The following CREB3L2 variants were observed in gnomAD, a reference collection of about 807,000 sequenced individuals.
CREB3L2 encodes the protein cyclic AMP-responsive element-binding protein 3-like protein 2.
A neutral mutation model predicts 57.2 loss-of-function variants in CREB3L2; 23 were observed. The ratio of observed to expected loss-of-function variants is 0.40; its 90% CI spans 0.29 to 0.57. The LOEUF is 0.57. Among genes scored for constraint, CREB3L2 ranks in the 20% least tolerant of loss-of-function variants. The pLI, the probability that CREB3L2 is intolerant of heterozygous loss-of-function variation, is 0.42. For synonymous variants in CREB3L2, 268 were observed against 265.1 expected (o/e 1.01, Z -0.11); for missense variants, 628 against 634.7 (o/e 0.99, Z 0.11).
intron 1 of CREB3L2, among the ~76,000 whole-genome samples, chr7:137,988,739 T>C (rs908622774): frequency 1.3e-5 from 2 of 152,084 alleles, no homozygotes. Flanking sequence ...ACAAACTCCA[T>C]CCAGCCGATG....
chr7:137,986,673 C>T (rs761092671), intron 1 of CREB3L2, among the ~76,000 whole-genome samples: 4 of 152,196 alleles, frequency 2.6e-5, no homozygotes, highest in Non-Finnish European at 4.4e-5. Flanking sequence ...GAATCCCACA[C>T]CGAAACTGGG....
At position 137,948,391 on chromosome 7, in the gene CREB3L2, G is replaced by A. The variant is rs182995653; in HGVS notation, c.103-20025C>T. On this transcript the variant is annotated intron_variant, in intron 1 of 11. Coordinates refer to ENST00000330387, the MANE Select transcript of CREB3L2 (RefSeq NM_194071.4). The stretch of plus-strand genomic sequence containing the variant: ...AGCTTCATCTTGCTAGTAGCCAGGG[G>A]GACATTATGGTAGGAACCAAAACTT... 2.6e-5 allele frequency among the ~76,000 whole-genome samples: 4 copies of A among 152,256 alleles called. No homozygotes were observed. The East Asian group carries it at 7.7e-4, about 29-fold the overall frequency.
In CREB3L2 at chr7:137,908,420, C is replaced by A; in HGVS notation, c.600G>T (p.Leu200=). Residue 200 remains leucine, a synonymous_variant, in exon 5 of 12, where the codon CTG becomes CTT. Coordinates refer to ENST00000330387, the MANE Select transcript of CREB3L2 (RefSeq NM_194071.4). ...FSPKEAPVDH[L]HLPPTPPSSH... ...TGCTCGGAGGGGTGGGCGGCAAATG[C>A]AGGTGGTCCACTGGGGCTGCAAAAA... 1 of 1,266,742 alleles carries A rather than the reference C, an allele frequency of 7.9e-7. No individual in the cohort carries two copies. Among genetic ancestry groups the A allele is most frequent in the Non-Finnish European group, 1.0e-6 (1 of 998,258 alleles). The allele number at this position is 1,266,742 out of a possible 1,614,324, so 78.5% of individuals were successfully genotyped here.
intron 1 of CREB3L2, among the ~76,000 whole-genome samples, chr7:137,983,414 T>C (rs564971907): frequency 5.3e-4 from 80 of 152,348 alleles, no homozygotes; most frequent in African/African-American, 1.9e-3. Flanking sequence ...ACAGAGCTAG[T>C]GGTCTTTTAG....
Position 137,946,804 on chromosome 7 carries a change from T to TTATATATAGTTATCTATATAGTTATC in CREB3L2, c.103-18464_103-18439dup, listed in dbSNP as rs1800991896. 1.0e-4 allele frequency among the ~76,000 whole-genome samples: 5 copies of TTATATATAGTTATCTATATAGTTATC among 50,090 alleles called. 1 individual carries two copies. The highest frequency in any genetic ancestry group is 7.3e-4 in the Admixed American group (3 of 4,112). The allele number at this position is 50,090 out of a possible 152,430, so 32.9% of individuals were successfully genotyped here. ...TAGTTATCTATATAGTTATATATAG[T>TTATATATAGTTATCTATATAGTTATC]TATATATAGTTATCTATATAGTTAT... On this transcript the variant is annotated intron_variant, in intron 1 of 11. Coordinates refer to ENST00000330387, the MANE Select transcript of CREB3L2 (RefSeq NM_194071.4).
intron 2 of CREB3L2, among the ~76,000 whole-genome samples, chr7:137,918,049 T>G (rs971623849): frequency 6.6e-6 from 1 of 152,094 alleles, no homozygotes; most frequent in African/African-American, 2.4e-5. Context: ...AAAGATTCCG[T>G]TGACTCTCCC....
chr7:137,892,305 C>T (rs1370601543), intron 8 of CREB3L2, among the ~76,000 whole-genome samples: 1 of 143,560 alleles, frequency 7.0e-6, no homozygotes, highest in South Asian at 2.4e-4. Flanking sequence ...AATAATTGTA[C>T]AATCAAAAAA....
chr7:137,990,227 A>G lies in CREB3L2; in HGVS notation c.102+11377T>C, dbSNP rs1246201561. Among the ~76,000 whole-genome samples, 7 of 152,156 alleles carry G rather than the reference A, an allele frequency of 4.6e-5. No homozygotes were observed. In the South Asian group the frequency reaches 1.0e-3, roughly 23 times the overall value. On this transcript the variant is annotated intron_variant, in intron 1 of 11. Coordinates refer to ENST00000330387, the MANE Select transcript of CREB3L2 (RefSeq NM_194071.4). ...CTTGGGATTCCCAGGATCAGTCATG[A>G]CTTTTTCCACGTTCCTATTCTGTAG...
chr7:137,916,041 G>T, intron 2 of CREB3L2, 29 bp from the exon 3 acceptor site: 1 of 1,593,718 alleles, frequency 6.3e-7, no homozygotes, highest in South Asian at 1.1e-5. Context: ...GCACACATGT[G>T]AACTTGTTCA....
At position 137,879,359 on chromosome 7, in the gene CREB3L2, G is replaced by A. The variant is rs937446353; in HGVS notation, c.*1117C>T. 1 of 492,274 alleles carries A rather than the reference G, an allele frequency of 2.0e-6. No homozygotes were observed. The highest frequency in any genetic ancestry group is 3.9e-6 in the Non-Finnish European group (1 of 256,826). The allele number at this position is 492,274 out of a possible 1,614,324, so 30.5% of individuals were successfully genotyped here. On this transcript the variant is annotated 3_prime_UTR_variant, in exon 12 of 12. Coordinates refer to ENST00000330387, the MANE Select transcript of CREB3L2 (RefSeq NM_194071.4). ...AAGTGTGGAGGGAGGAGGGGGCCAGGCAGGTGTGGAAAGCCAGCAAGGTTG... is the reference window on the plus strand; with the variant it reads ...AAGTGTGGAGGGAGGAGGGGGCCAGACAGGTGTGGAAAGCCAGCAAGGTTG...
chr7:137,973,370 A>G (rs1246536120), intron 1 of CREB3L2, among the ~76,000 whole-genome samples: 2 of 152,180 alleles, frequency 1.3e-5, no homozygotes, highest in Admixed American at 6.5e-5. Context: ...AAATAGGTTC[A>G]GTACCGCACC....
chr7:137,995,890 T>C (rs1189236842), intron 1 of CREB3L2, among the ~76,000 whole-genome samples: 1 of 152,228 alleles, frequency 6.6e-6, no homozygotes, highest in African/African-American at 2.4e-5. Flanking sequence ...CTTTCAGGAC[T>C]GTGCCTATGT....
At chr7:137,952,578 G>T (rs555675590) in intron 1 of CREB3L2, among the ~76,000 whole-genome samples, 2 of 152,010 alleles carry the variant, frequency 1.3e-5, no homozygotes, top group Non-Finnish European at 2.9e-5. Context: ...CTGCTTTCCC[G>T]CCTTTGCACT....
At chr7:137,995,314 CT>C (rs1287778376) in intron 1 of CREB3L2, among the ~76,000 whole-genome samples, 2 of 93,522 alleles carry the variant, frequency 2.1e-5, no homozygotes, top group Non-Finnish European at 4.5e-5. Context: ...AGCTCTATTT[CT>C]TTTTTTTTCT....
At chr7:137,964,648 T>C (rs981360306) in intron 1 of CREB3L2, among the ~76,000 whole-genome samples, 1 of 152,246 alleles carries the variant, frequency 6.6e-6, no homozygotes, top group African/African-American at 2.4e-5. Context: ...CAATCCAATA[T>C]TGAAAACAAA....
intron 1 of CREB3L2, among the ~76,000 whole-genome samples, chr7:137,974,080 G>A (rs1585670037): frequency 6.6e-6 from 1 of 151,866 alleles, no homozygotes; most frequent in South Asian, 2.1e-4. Flanking sequence ...ACCTCCTTGT[G>A]TAAAAAGAAA....
In CREB3L2 at chr7:137,879,880, G is replaced by T. The variant is rs75756974; in HGVS notation, c.*596C>A. On this transcript the variant is annotated 3_prime_UTR_variant, in exon 12 of 12. Transcript: ENST00000330387. Reference sequence around the variant, plus strand: ...GAAAAGCCTGATCCCCTCAGGCATTGCACTTGCGGCCTGAGAATATGAACG... The same window carrying T: ...GAAAAGCCTGATCCCCTCAGGCATTTCACTTGCGGCCTGAGAATATGAACG... 1.9e-3 allele frequency: 436 copies of T among 235,560 alleles called. 4 individuals carry two copies. The highest frequency in any genetic ancestry group is 8.8e-3 in the African/African-American group (400 of 45,416). The allele number at this position is 235,560 out of a possible 1,614,324, so 14.6% of individuals were successfully genotyped here. A position where few individuals can be genotyped will look rare whatever the true frequency, so the allele number is the denominator to read the frequency against.
chr7:137,933,057 C>T (rs1057483920), intron 1 of CREB3L2, among the ~76,000 whole-genome samples: 2 of 152,198 alleles, frequency 1.3e-5, no homozygotes, highest in East Asian at 1.9e-4. Context: ...TAGAACCAGA[C>T]TTCCTGATTA....
At chr7:137,886,731 A>C (rs1410350970) in intron 8 of CREB3L2, among the ~76,000 whole-genome samples, 8 of 152,024 alleles carry the variant, frequency 5.3e-5, no homozygotes, top group Non-Finnish European at 1.0e-4. Context: ...AGCAGAAAAA[A>C]AAAAAGGAGA....
Sources: gnomAD v4.1 joint callset for allele counts (sites outside exome capture counted in the v4.1 genomes callset) on GRCh38, gnomAD v4.1.1 for gene constraint, MANE v1.5 for transcripts, NCBI Gene and HGNC (gene_info 2026-07-23, HGNC 2026-07-21) for gene names.